KYAT3: variants seen among roughly 807,000 people sequenced by gnomAD.
KYAT3 encodes kynurenine--oxoglutarate transaminase 3.
A neutral mutation model predicts 59.0 loss-of-function variants in KYAT3; 50 were observed. The observed-to-expected ratio is 0.85, with a 90% CI of 0.68 to 1.07. KYAT3 has a LOEUF of 1.07. Among genes scored for constraint, KYAT3 ranks in the 50% least tolerant of loss-of-function variants. The probability of loss-of-function intolerance (pLI) is 0.00; values close to 1 mark genes in which losing one functional copy is unlikely to be tolerated. For synonymous variants in KYAT3, 148 were observed against 177.0 expected (o/e 0.84, Z 1.30); for missense variants, 497 against 533.3 (o/e 0.93, Z 0.67).
intron 2 of KYAT3, among the ~76,000 whole-genome samples, chr1:88,978,503 C>CT (rs1341270707): frequency 1.3e-5 from 2 of 151,812 alleles, no homozygotes; most frequent in East Asian, 3.9e-4. Flanking sequence ...GCCTGGTTAA[C>CT]TTTAATTTTT....
At chr1:88,989,516 T>C (rs982502640) in intron 1 of KYAT3, among the ~76,000 whole-genome samples, 3 of 152,114 alleles carry the variant, frequency 2.0e-5, no homozygotes, top group African/African-American at 4.8e-5. Flanking sequence ...AAAGATACAA[T>C]GGAATTTGCT....
At chr1:88,937,677 G>A (rs1675088627) in intron 13 of KYAT3, among the ~76,000 whole-genome samples, 1 of 152,044 alleles carries the variant, frequency 6.6e-6, no homozygotes, top group South Asian at 2.1e-4. Flanking sequence ...ACCTTAATCA[G>A]GTGGTTAAAG....
At position 88,949,239 on chromosome 1, in the gene KYAT3, G is replaced by A; in HGVS notation, c.993C>T (p.Arg331=). ...LAQAFWIDIK[R]MDDPECYFNS... is the part of the protein sequence containing the mutation. ...TAAAGTAACATTCTGGGTCATCCAT[G>A]CGCTTGATGTCAATCCAGAAAGCTT... The change falls in exon 11 of 14, where the codon CGC becomes CGT. Residue 331 remains arginine, a synonymous_variant. Transcript: ENST00000260508. 1.3e-6 allele frequency: 2 copies of A among 1,586,538 alleles called. No homozygotes were observed. Among genetic ancestry groups the A allele is most frequent in the Non-Finnish European group, 1.7e-6 (2 of 1,171,036 alleles).
At chr1:88,942,814 G>A (rs951069507) in intron 13 of KYAT3, among the ~76,000 whole-genome samples, 191 bp downstream of exon 13, 1 of 151,806 alleles carries the variant, frequency 6.6e-6, no homozygotes, top group Admixed American at 6.6e-5. Flanking sequence ...AGCCCGCCTC[G>A]GCCTCCCAAA....
intron 2 of KYAT3, among the ~76,000 whole-genome samples, chr1:88,975,982 C>T (rs968737611): frequency 4.0e-5 from 6 of 151,838 alleles, no homozygotes; most frequent in Admixed American, 1.3e-4. Context: ...TGCAGTGAGC[C>T]GGGATCATGC....
At chr1:88,972,430 A>T (rs4142616) in intron 2 of KYAT3, among the ~76,000 whole-genome samples, 70,231 of 152,204 alleles carry the variant, frequency 0.46, 16,375 homozygotes, top group Admixed American at 0.5. Context: ...ACATAGTTTC[A>T]AATAATTATC....
the KYAT3 span, among the ~76,000 whole-genome samples, chr1:88,928,504 G>T: frequency 6.6e-6 from 1 of 152,118 alleles, no homozygotes; most frequent in Non-Finnish European, 1.5e-5. Context: ...CGGTCTACAA[G>T]GACACTTTAA....
chr1:88,983,835 T>C lies in KYAT3; in HGVS notation c.99+4417A>G, dbSNP rs759717053. 6.8e-6 allele frequency: 11 copies of C among 1,613,880 alleles called. No individual in the cohort carries two copies. The East Asian group carries it at 1.8e-4, about 26-fold the overall frequency. On this transcript the variant is annotated intron_variant, in intron 2 of 13. Transcript: ENST00000260508. The stretch of plus-strand genomic sequence containing the variant: ...CGATCTGCTTCAACCATTTTTTTTT[T>C]TGCCGGTGAGTCGGAGGGGTGACAG...
intron 13 of KYAT3, among the ~76,000 whole-genome samples, chr1:88,941,230 G>C (rs1376767510): frequency 1.3e-5 from 2 of 152,128 alleles, no homozygotes; most frequent in Admixed American, 1.3e-4. Context: ...ACATTGTTAG[G>C]TTGTTAATAT....
chr1:88,988,373 G>A, intron 1 of KYAT3, 22 bp from the exon 2 acceptor site: 5 of 1,455,094 alleles, frequency 3.4e-6, no homozygotes, highest in Non-Finnish European at 4.8e-6. Context: ...AAGAAAAATT[G>A]AGAAGAGGAA....
At chr1:88,930,097 G>A in the KYAT3 span, among the ~76,000 whole-genome samples, 5 of 152,212 alleles carry the variant, frequency 3.3e-5, no homozygotes, top group African/African-American at 1.2e-4. Flanking sequence ...AGGTCCGAGG[G>A]ATCAGCTTGT....
chr1:88,921,592 A>G, the KYAT3 span, among the ~76,000 whole-genome samples: 1 of 152,206 alleles, frequency 6.6e-6, no homozygotes, highest in Admixed American at 6.5e-5. Flanking sequence ...GAATTTATAG[A>G]CAACTTAACT....
At chr1:88,982,586 A>G (rs533006555) in intron 2 of KYAT3, 17 of 1,524,348 alleles carry the variant, frequency 1.1e-5, no homozygotes, top group East Asian at 2.3e-5. Context: ...GGTAGTTATG[A>G]TAGAATAGTT....
At chr1:88,982,603 CTT>C (rs546599173) in intron 2 of KYAT3, 12 of 1,538,974 alleles carry the variant, frequency 7.8e-6, no homozygotes, top group African/African-American at 1.4e-5. Flanking sequence ...AGTTTCCACT[CTT>C]TTTTTTGTTT....
intron 2 of KYAT3, among the ~76,000 whole-genome samples, chr1:88,986,975 G>A (rs1288748843): frequency 6.6e-6 from 1 of 152,204 alleles, no homozygotes; most frequent in Non-Finnish European, 1.5e-5. Context: ...CACTTTGGCA[G>A]TTACTTAATT....
intron 2 of KYAT3, chr1:88,984,092 A>G: frequency 2.0e-6 from 1 of 493,504 alleles, no homozygotes; most frequent in East Asian, 3.5e-5. Flanking sequence ...AAATGAAAGT[A>G]AAACTCAGAA....
intron 10 of KYAT3, among the ~76,000 whole-genome samples, chr1:88,951,238 T>TC (rs982763764): frequency 6.6e-6 from 1 of 151,894 alleles, no homozygotes; most frequent in African/African-American, 2.4e-5. Context: ...TTCTTTCTTT[T>TC]CTTTTTTTTT....
the KYAT3 span, among the ~76,000 whole-genome samples, chr1:88,926,373 A>G: frequency 6.6e-6 from 1 of 152,200 alleles, no homozygotes; most frequent in Non-Finnish European, 1.5e-5. Context: ...GTGCAGTGGT[A>G]CAATTATGGC....
chr1:88,949,293 C>A lies in KYAT3; in HGVS notation c.955-16G>T, dbSNP rs760512051. ...CCAAGGCTTCCTGTTTGTTAAGAAT[C>A]AAAAAATATGAAAAGGCATATGGCA... is the stretch of plus-strand genomic sequence containing the variant. On this transcript the variant is annotated splice_polypyrimidine_tract_variant and intron_variant, in intron 10 of 13. Coordinates refer to ENST00000260508, the MANE Select transcript of KYAT3 (RefSeq NM_001008661.3). 6 of 1,511,908 alleles carry A rather than the reference C, an allele frequency of 4.0e-6. No individual in the cohort carries two copies. The Admixed American group carries it at 7.3e-5, about 18-fold the overall frequency. 93.7% of individuals were successfully genotyped at this position (1,511,908 alleles called of 1,614,324 possible). A position where few individuals can be genotyped will look rare whatever the true frequency, so the allele number is the denominator to read the frequency against.
Sources: gnomAD v4.1 joint callset for allele counts (sites outside exome capture counted in the v4.1 genomes callset) on GRCh38, gnomAD v4.1.1 for gene constraint, MANE v1.5 for transcripts, NCBI Gene and HGNC (gene_info 2026-07-23, HGNC 2026-07-21) for gene names.